The following SBF2 variants were observed in gnomAD, a reference collection of about 807,000 sequenced individuals.
The protein encoded by SBF2 is SET binding factor 2.
A neutral mutation model predicts 225.2 loss-of-function variants in SBF2; 112 were observed. The ratio of observed to expected loss-of-function variants is 0.50; its 90% CI spans 0.43 to 0.58. The LOEUF is 0.58. Among genes scored for constraint, SBF2 ranks in the 20% least tolerant of loss-of-function variants. The pLI, the probability that SBF2 is intolerant of heterozygous loss-of-function variation, is 0.00. For missense variants in SBF2, 1,996 were observed against 2,206.2 expected (o/e 0.90, Z 1.91); for synonymous variants, 763 against 773.3 (o/e 0.99, Z 0.22).
chr11:9,904,709 T>C (rs1272949521), intron 16 of SBF2, among the ~76,000 whole-genome samples: 4 of 152,232 alleles, frequency 2.6e-5, no homozygotes, highest in Non-Finnish European at 5.9e-5. Context: ...TTTAAAAAAA[T>C]TGACCTCATA....
At chr11:9,823,607 C>T (rs1345811663) in intron 28 of SBF2, among the ~76,000 whole-genome samples, 1 of 151,982 alleles carries the variant, frequency 6.6e-6, no homozygotes, top group Non-Finnish European at 1.5e-5. Flanking sequence ...TGAGTCGGTA[C>T]AAGGAAATGA....
At chr11:10,135,823 T>G (rs990780327) in intron 2 of SBF2, among the ~76,000 whole-genome samples, 7 of 152,206 alleles carry the variant, frequency 4.6e-5, no homozygotes, top group African/African-American at 1.7e-4. Flanking sequence ...TATCTTCTCC[T>G]AAGCCTTCCA....
intron 2 of SBF2, among the ~76,000 whole-genome samples, chr11:10,186,540 T>C (rs1565333413): frequency 6.6e-6 from 1 of 152,126 alleles, no homozygotes; most frequent in East Asian, 1.9e-4. Context: ...TGTGTCTCTT[T>C]AAAACAATCA....
At chr11:9,919,267 C>CT (rs138526429) in intron 16 of SBF2, among the ~76,000 whole-genome samples, 37,720 of 122,572 alleles carry the variant, frequency 0.31, 6,176 homozygotes, top group African/African-American at 0.49. Context: ...TCTTCTTCTT[C>CT]TTCTTTTTTT....
chr11:9,850,288 C>T (rs1456367639), intron 21 of SBF2, 70 bp from the exon 22 acceptor site: 3 of 1,430,414 alleles, frequency 2.1e-6, no homozygotes, highest in Non-Finnish European at 2.9e-6. Flanking sequence ...CAGGGTCTTG[C>T]TCTGTTGCCC....
chr11:10,265,235 C>T (rs369464798), intron 1 of SBF2, among the ~76,000 whole-genome samples: 4 of 152,128 alleles, frequency 2.6e-5, no homozygotes, highest in Admixed American at 6.5e-5. Flanking sequence ...GCATCCTCTC[C>T]AGCATTCTGT....
intron 17 of SBF2, among the ~76,000 whole-genome samples, chr11:9,859,298 G>C (rs1404389062): frequency 1.3e-5 from 2 of 151,896 alleles, no homozygotes; most frequent in African/African-American, 4.8e-5. Context: ...TTATGATTTT[G>C]TTTCCCAAAG....
At chr11:9,915,445 CAAAAA>C (rs60692182) in intron 16 of SBF2, among the ~76,000 whole-genome samples, 2 of 109,650 alleles carry the variant, frequency 1.8e-5, no homozygotes, top group African/African-American at 3.5e-5. Flanking sequence ...GAGTCCGTCT[CAAAAA>C]AAAAAAAAAA....
chr11:10,038,157 C>G (rs1046731329), intron 3 of SBF2, among the ~76,000 whole-genome samples: 1 of 151,916 alleles, frequency 6.6e-6, no homozygotes, highest in East Asian at 1.9e-4. Context: ...CACACTGATA[C>G]AATTTTTGCA....
At chr11:10,080,084 C>T (rs537146934) in intron 2 of SBF2, among the ~76,000 whole-genome samples, 2 of 151,844 alleles carry the variant, frequency 1.3e-5, no homozygotes, top group African/African-American at 4.8e-5. Flanking sequence ...CCTGTCTCTA[C>T]TAAAAACACA....
intron 2 of SBF2, among the ~76,000 whole-genome samples, chr11:10,137,181 T>G (rs1411445444): frequency 6.6e-6 from 1 of 152,224 alleles, no homozygotes; most frequent in African/African-American, 2.4e-5. Flanking sequence ...ACACTGTATT[T>G]TAAAATTTTT....
intron 2 of SBF2, among the ~76,000 whole-genome samples, chr11:10,130,395 C>T (rs1300709648): frequency 6.6e-6 from 1 of 151,794 alleles, no homozygotes; most frequent in Non-Finnish European, 1.5e-5. Context: ...GATTTCTTAA[C>T]ACTCTTAACA....
At chr11:10,161,230 T>TTTCAATCG (rs1380725619) in intron 2 of SBF2, among the ~76,000 whole-genome samples, 1 of 151,370 alleles carries the variant, frequency 6.6e-6, no homozygotes, top group Non-Finnish European at 1.5e-5. Flanking sequence ...AAATAGCAGT[T>TTTCAATCG]TTCAATCGTT....
chr11:9,907,396 C>G (rs1217419871), intron 16 of SBF2, among the ~76,000 whole-genome samples: 1 of 152,164 alleles, frequency 6.6e-6, no homozygotes, highest in Non-Finnish European at 1.5e-5. Context: ...TTGAGGAAGC[C>G]CATCCATGCT....
intron 16 of SBF2, among the ~76,000 whole-genome samples, chr11:9,943,803 A>T (rs1865417988): frequency 1.3e-5 from 2 of 152,208 alleles, no homozygotes; most frequent in South Asian, 4.1e-4. Context: ...TTGTAATACC[A>T]TTTTGGAAAA....
Position 9,998,389 on chromosome 11 carries a change from A to G in SBF2, c.862-10T>C. On this transcript the variant is annotated splice_polypyrimidine_tract_variant and intron_variant, in intron 8 of 39. Transcript: ENST00000256190. ...CTATGATTACATCTAACTGAAAGAG[A>G]TAAAAAAATTAACCTATAATTACCA... The G allele has an allele frequency of 6.9e-7, 1 of 1,451,984 alleles. No individual in the cohort carries two copies. 89.9% of individuals were successfully genotyped at this position (1,451,984 alleles called of 1,614,324 possible).
intron 1 of SBF2, among the ~76,000 whole-genome samples, chr11:10,265,071 A>T (rs1961838972): frequency 6.6e-6 from 1 of 152,096 alleles, no homozygotes; most frequent in African/African-American, 2.4e-5. Flanking sequence ...CAGCAGAATG[A>T]TTTATAATCC....
intron 27 of SBF2, among the ~76,000 whole-genome samples, chr11:9,831,076 A>G (rs1855370086): frequency 6.6e-6 from 1 of 152,064 alleles, no homozygotes; most frequent in Admixed American, 6.6e-5. Flanking sequence ...GTGGCTCACT[A>G]TAGCCTTTAC....
At chr11:10,011,684 C>T (rs149423838) in intron 6 of SBF2, among the ~76,000 whole-genome samples, 6 of 152,278 alleles carry the variant, frequency 3.9e-5, no homozygotes, top group East Asian at 3.9e-4. Flanking sequence ...CACATCAATG[C>T]CTTCTGGCTC....
Sources: gnomAD v4.1 joint callset for allele counts (sites outside exome capture counted in the v4.1 genomes callset) on GRCh38, gnomAD v4.1.1 for gene constraint, MANE v1.5 for transcripts, NCBI Gene and HGNC (gene_info 2026-07-23, HGNC 2026-07-21) for gene names.